Variants in VSTM2B observed in about 807,000 individuals in gnomAD.
VSTM2B encodes the protein V-set and transmembrane domain containing 2B.
A neutral mutation model predicts 24.0 loss-of-function variants in VSTM2B; 24 were observed. The ratio of observed to expected loss-of-function variants is 1.00; its 90% CI spans 0.72 to 1.40. The LOEUF (loss-of-function observed/expected upper bound fraction) is 1.40. VSTM2B is among the 40% of genes most tolerant of loss of function. The pLI is 0.00. For synonymous variants in VSTM2B, 226 were observed against 194.4 expected (o/e 1.16, Z -1.35); for missense variants, 399 against 416.4 (o/e 0.96, Z 0.36).
intron 4 of VSTM2B, among the ~76,000 whole-genome samples, chr19:29,563,075 G>A (rs1311336777): frequency 6.6e-6 from 1 of 152,150 alleles, no homozygotes; most frequent in Non-Finnish European, 1.5e-5. Flanking sequence ...CAGACAGGGT[G>A]CGTGGGAGTG....
intron 3 of VSTM2B, among the ~76,000 whole-genome samples, chr19:29,529,376 C>T (rs1173509064): frequency 6.8e-6 from 1 of 146,624 alleles, no homozygotes; most frequent in Non-Finnish European, 1.5e-5. Flanking sequence ...TGAGGAGGGC[C>T]GGCTGGGGCG....
intron 4 of VSTM2B, among the ~76,000 whole-genome samples, chr19:29,560,708 T>C (rs1970504465): frequency 6.6e-6 from 1 of 152,204 alleles, no homozygotes; most frequent in African/African-American, 2.4e-5. Context: ...TCAACGGTGT[T>C]TTGAAAATCT....
rs373747564 is a variant in VSTM2B at position 29,555,901 on chromosome 19, T to C, written c.770-7945T>C. On this transcript the variant is annotated intron_variant, in intron 4 of 4. Coordinates refer to ENST00000335523, the MANE Select transcript of VSTM2B (RefSeq NM_001146339.2). ...AATAGACCAGTAATAAGTTTTGAAATTGAGGCAGTAATAAATAGCCTACCA... is the reference window on the plus strand; with the variant it reads ...AATAGACCAGTAATAAGTTTTGAAACTGAGGCAGTAATAAATAGCCTACCA... Among the ~76,000 whole-genome samples, 5 of 152,220 alleles carry C rather than the reference T, an allele frequency of 3.3e-5. No individual in the cohort carries two copies. The East Asian group carries it at 9.6e-4, about 29-fold the overall frequency.
At chr19:29,529,136 G>T in intron 3 of VSTM2B, 1 of 985,400 alleles carries the variant, frequency 1.0e-6, no homozygotes, top group Non-Finnish European at 1.2e-6. Flanking sequence ...CCGTAGAGCA[G>T]TACTTCCCGA....
intron 4 of VSTM2B, among the ~76,000 whole-genome samples, chr19:29,543,655 A>G (rs1970076701): frequency 6.6e-6 from 1 of 152,232 alleles, no homozygotes; most frequent in South Asian, 2.1e-4. Context: ...TTGAGCAGTC[A>G]TTAATTGACT....
chr19:29,527,185 G>A (rs1161788497), intron 1 of VSTM2B, 26 bp from the exon 2 acceptor site: 4 of 1,529,778 alleles, frequency 2.6e-6, no homozygotes. Context: ...AGCTGGTCAC[G>A]CCTCTCTCTC....
At chr19:29,551,851 G>A (rs75024282) in intron 4 of VSTM2B, among the ~76,000 whole-genome samples, 6,490 of 152,188 alleles carry the variant, frequency 0.043, 163 homozygotes, top group African/African-American at 0.073. Context: ...CAGCCAGCCC[G>A]CTCAGCACAC....
At chr19:29,553,576 AC>A (rs1970335575) in intron 4 of VSTM2B, among the ~76,000 whole-genome samples, 4 of 152,314 alleles carry the variant, frequency 2.6e-5, no homozygotes, top group Admixed American at 2.6e-4. Flanking sequence ...CATCTCTCCA[AC>A]AAGAGCACAG....
intron 4 of VSTM2B, among the ~76,000 whole-genome samples, chr19:29,537,595 C>T (rs1053082677): frequency 2.6e-5 from 4 of 152,064 alleles, no homozygotes; most frequent in Admixed American, 2.6e-4. Context: ...CTTCAGTTGG[C>T]TCTGGTTCTT....
At chr19:29,547,438 C>T (rs1970180266) in intron 4 of VSTM2B, among the ~76,000 whole-genome samples, 1 of 152,300 alleles carries the variant, frequency 6.6e-6, no homozygotes, top group South Asian at 2.1e-4. Context: ...GCAACCTTTG[C>T]CTTGTTATCC....
At chr19:29,534,325 G>A (rs1437995423) in intron 4 of VSTM2B, among the ~76,000 whole-genome samples, 1 of 152,206 alleles carries the variant, frequency 6.6e-6, no homozygotes, top group East Asian at 1.9e-4. Flanking sequence ...CCTGGAACCT[G>A]AAGGCAGGGG....
At chr19:29,537,716 C>CTCCCGCACCCACCTACTG (rs1568440387) in intron 4 of VSTM2B, among the ~76,000 whole-genome samples, 46 of 140,744 alleles carry the variant, frequency 3.3e-4, no homozygotes, top group African/African-American at 1.3e-3. Flanking sequence ...CCCACCTACT[C>CTCCCGCACCCACCTACTG]TCCCGCACCC....
chr19:29,546,729 C>A (rs954692570), intron 4 of VSTM2B, among the ~76,000 whole-genome samples: 3 of 152,008 alleles, frequency 2.0e-5, no homozygotes, highest in African/African-American at 7.3e-5. Flanking sequence ...CCTCTGACAG[C>A]AGCTGCCTGA....
chr19:29,543,968 G>A (rs1970083099), intron 4 of VSTM2B, among the ~76,000 whole-genome samples: 1 of 152,004 alleles, frequency 6.6e-6, no homozygotes, highest in Non-Finnish European at 1.5e-5. Context: ...AACCCCAGGA[G>A]CCCCACCCCA....
At chr19:29,558,951 G>T (rs932067200) in intron 4 of VSTM2B, among the ~76,000 whole-genome samples, 1 of 152,186 alleles carries the variant, frequency 6.6e-6, no homozygotes, top group African/African-American at 2.4e-5. Context: ...TCATTAAAAA[G>T]TCAGGAAACA....
At chr19:29,553,296 T>C (rs1445173857) in intron 4 of VSTM2B, among the ~76,000 whole-genome samples, 1 of 152,176 alleles carries the variant, frequency 6.6e-6, no homozygotes, top group Non-Finnish European at 1.5e-5. Context: ...CCTCCAGGTA[T>C]GGGAGAAACC....
At chr19:29,545,900 C>T (rs1970143560) in intron 4 of VSTM2B, among the ~76,000 whole-genome samples, 1 of 152,142 alleles carries the variant, frequency 6.6e-6, no homozygotes, top group Admixed American at 6.5e-5. Flanking sequence ...AAAAACGGCA[C>T]TCTGGGCAGC....
intron 4 of VSTM2B, 142 bp downstream of exon 4, chr19:29,530,432 A>G: frequency 1.4e-6 from 1 of 700,274 alleles, no homozygotes; most frequent in Non-Finnish European, 2.1e-6. Flanking sequence ...TTAGGTCGGG[A>G]GCGCCCCCCC....
chr19:29,551,783 A>G (rs1013616975), intron 4 of VSTM2B, among the ~76,000 whole-genome samples: 1 of 152,172 alleles, frequency 6.6e-6, no homozygotes, highest in Non-Finnish European at 1.5e-5. Context: ...ACTCCTTAGG[A>G]CAGGAGGGAA....
Sources: gnomAD v4.1 joint callset for allele counts (sites outside exome capture counted in the v4.1 genomes callset) on GRCh38, gnomAD v4.1.1 for gene constraint, MANE v1.5 for transcripts, NCBI Gene and HGNC (gene_info 2026-07-23, HGNC 2026-07-21) for gene names.